STX7: variants seen among roughly 807,000 people sequenced by gnomAD.
The protein encoded by STX7 is syntaxin-7.
In STX7, 34 loss-of-function variants were observed where a neutral mutation model predicts 39.6. The observed-to-expected ratio is 0.86, with a 90% CI of 0.65 to 1.14. STX7 has a LOEUF of 1.14. Ranked by LOEUF, STX7 falls within the 50% of genes most tolerant of loss-of-function variation. The probability of loss-of-function intolerance (pLI) is 0.00; values close to 1 mark genes in which losing one functional copy is unlikely to be tolerated. For missense variants in STX7, 284 were observed against 310.4 expected (o/e 0.92, Z 0.64); for synonymous variants, 119 against 99.1 (o/e 1.20, Z -1.19).
rs950978079 is a variant in STX7, at chr6:132,456,080, T to C, written c.*4678A>G. On this transcript the variant is annotated 3_prime_UTR_variant, in exon 10 of 10. Transcript: ENST00000367941. ...AGTAATTCTATACATATCCTGTAAATGTCTGTCCTGATGATCAGGATGCCC... is the reference window on the plus strand; with the variant it reads ...AGTAATTCTATACATATCCTGTAAACGTCTGTCCTGATGATCAGGATGCCC... 6.6e-6 allele frequency: 1 copy of C among 152,178 alleles called. No homozygotes were observed. The highest frequency in any genetic ancestry group is 2.1e-4 in the South Asian group (1 of 4,830). The allele number at this position is 152,178 out of a possible 1,614,324, so 9.4% of individuals were successfully genotyped here.
Position 132,459,355 on chromosome 6 carries a change from T to G in STX7, c.*1403A>C, listed in dbSNP as rs1304265833. 1 of 152,174 alleles carries G rather than the reference T, an allele frequency of 6.6e-6. No homozygotes were observed. Among genetic ancestry groups the G allele is most frequent in the Non-Finnish European group, 1.5e-5 (1 of 68,038 alleles). 9.4% of individuals were successfully genotyped at this position (152,174 alleles called of 1,614,324 possible). On this transcript the variant is annotated 3_prime_UTR_variant, in exon 10 of 10. Coordinates refer to ENST00000367941, the MANE Select transcript of STX7 (RefSeq NM_003569.3). ...AGGTAAAATCGATGACACCCTAAAA[T>G]AAAAACCTGGAGTGAACTGGTGCTC...
intron 2 of STX7, among the ~76,000 whole-genome samples, chr6:132,483,468 T>C (rs1045756951): frequency 5.1e-4 from 78 of 152,344 alleles, no homozygotes; most frequent in African/African-American, 1.8e-3. Flanking sequence ...AAAATTTCCA[T>C]TGAACATGCA....
intron 3 of STX7, among the ~76,000 whole-genome samples, chr6:132,472,686 TTA>T (rs1295548721): frequency 6.6e-6 from 1 of 152,184 alleles, no homozygotes; most frequent in African/African-American, 2.4e-5. Flanking sequence ...GTCTGATCCT[TTA>T]TGTTTGAGAT....
At chr6:132,473,439 T>C (rs886468377) in intron 3 of STX7, among the ~76,000 whole-genome samples, 1 of 151,758 alleles carries the variant, frequency 6.6e-6, no homozygotes, top group African/African-American at 2.4e-5. Context: ...AGATTATTTA[T>C]AATACCCAAT....
intron 2 of STX7, among the ~76,000 whole-genome samples, chr6:132,476,452 GA>G (rs959545690): frequency 6.6e-6 from 1 of 150,662 alleles, no homozygotes; most frequent in Admixed American, 6.6e-5. Flanking sequence ...TCACAAAAGG[GA>G]AAAAAAAAGT....
Position 132,464,072 on chromosome 6 carries a change from C to A in STX7, c.614G>T (p.Ser205Ile), listed in dbSNP as rs774112518. 6.2e-7 allele frequency: 1 copy of A among 1,613,768 alleles called. No homozygotes were observed. The highest frequency in any genetic ancestry group is 1.1e-5 in the South Asian group (1 of 91,072). ...TGCATTTTCCACATTGGCTTCTATGCTATCTGTAAAATAAAACACACACAC... is the reference window on the plus strand; with the variant it reads ...TGCATTTTCCACATTGGCTTCTATGATATCTGTAAAATAAAACACACACAC... ...MIHEQGDVID[S>I]IEANVENAEV... Residue 205 changes from serine (S) to isoleucine (I), a missense_variant, in exon 9 of 10, where the codon AGC becomes ATC. By Grantham distance (142) the Ser-to-Ile change is moderately radical. Coordinates refer to ENST00000367941, the MANE Select transcript of STX7 (RefSeq NM_003569.3).
chr6:132,490,404 T>C (rs1775249391), intron 2 of STX7, among the ~76,000 whole-genome samples: 1 of 152,206 alleles, frequency 6.6e-6, no homozygotes, highest in Non-Finnish European at 1.5e-5. Context: ...TGAAAATCGA[T>C]TTCTGCTTCT....
intron 2 of STX7, among the ~76,000 whole-genome samples, chr6:132,481,342 A>T (rs1409530317): frequency 6.6e-6 from 1 of 152,146 alleles, no homozygotes; most frequent in African/African-American, 2.4e-5. Context: ...GGGGAAAAAA[A>T]CTGGTTGCTA....
intron 2 of STX7, among the ~76,000 whole-genome samples, chr6:132,496,541 A>G (rs1322490461): frequency 6.6e-6 from 1 of 152,114 alleles, no homozygotes; most frequent in Non-Finnish European, 1.5e-5. Flanking sequence ...CAATTATGGG[A>G]TTTTATGAGC....
In STX7 at chr6:132,503,570, C is replaced by A. The variant is rs746550741; in HGVS notation, c.-40G>T. The A allele has an allele frequency of 2.0e-6, 3 of 1,527,594 alleles. No homozygotes were observed. Among genetic ancestry groups the A allele is most frequent in the African/African-American group, 1.4e-5 (1 of 73,036 alleles). 94.6% of individuals were successfully genotyped at this position (1,527,594 alleles called of 1,614,324 possible). ...TTCGCTAATTTCATCAGATGCTGTG[C>A]AGTTTTCTAAGCAGTCACCTAAATA... is the stretch of plus-strand genomic sequence containing the variant. On this transcript the variant is annotated 5_prime_UTR_variant, in exon 2 of 10. Coordinates refer to ENST00000367941, the MANE Select transcript of STX7 (RefSeq NM_003569.3).
chr6:132,479,923 AG>A (rs1292142108), intron 2 of STX7, among the ~76,000 whole-genome samples: 1 of 152,226 alleles, frequency 6.6e-6, no homozygotes, highest in East Asian at 1.9e-4. Context: ...AAAAATAAAA[AG>A]TAAACTAGTG....
chr6:132,510,700 T>C (rs538984685), intron 1 of STX7, among the ~76,000 whole-genome samples: 1 of 152,322 alleles, frequency 6.6e-6, no homozygotes, highest in East Asian at 1.9e-4. Context: ...GAAAGATCTA[T>C]TGCACAGTGC....
intron 2 of STX7, among the ~76,000 whole-genome samples, chr6:132,496,142 T>C (rs1403689778): frequency 6.6e-6 from 1 of 152,204 alleles, no homozygotes; most frequent in African/African-American, 2.4e-5. Flanking sequence ...ACATGATGCA[T>C]ATTTTAGCAG....
At chr6:132,509,490 A>AG (rs1582689880) in intron 1 of STX7, among the ~76,000 whole-genome samples, 10 of 119,828 alleles carry the variant, frequency 8.3e-5, no homozygotes, top group East Asian at 2.9e-4. Flanking sequence ...AACATAACAT[A>AG]ACATAACATA....
chr6:132,493,990 T>C (rs1775360028), intron 2 of STX7, among the ~76,000 whole-genome samples: 1 of 152,186 alleles, frequency 6.6e-6, no homozygotes, highest in African/African-American at 2.4e-5. Context: ...TAACTAGTCA[T>C]TATTATAGAA....
chr6:132,502,294 A>G (rs1775585163), intron 2 of STX7, among the ~76,000 whole-genome samples: 1 of 152,228 alleles, frequency 6.6e-6, no homozygotes, highest in South Asian at 2.1e-4. Context: ...ATGTGTTAAC[A>G]TTCTGTTAAA....
At chr6:132,493,539 C>T (rs558723915) in intron 2 of STX7, among the ~76,000 whole-genome samples, 1 of 152,180 alleles carries the variant, frequency 6.6e-6, no homozygotes, top group African/African-American at 2.4e-5. Flanking sequence ...CTCTCTTGCC[C>T]ATGGCCATGT....
At chr6:132,496,414 T>C (rs1022986372) in intron 2 of STX7, among the ~76,000 whole-genome samples, 1 of 152,158 alleles carries the variant, frequency 6.6e-6, no homozygotes, top group Admixed American at 6.5e-5. Flanking sequence ...ATACAAAATT[T>C]TGTTAATTCT....
intron 5 of STX7, 137 bp downstream of exon 5, chr6:132,471,325 TA>T: frequency 9.7e-7 from 1 of 1,026,922 alleles, no homozygotes; most frequent in Non-Finnish European, 1.4e-6. Context: ...CAGGAAAGCA[TA>T]AAAATAAATA....
Sources: allele counts gnomAD v4.1 joint callset (sites outside exome capture counted in the v4.1 genomes callset), GRCh38; gene constraint gnomAD v4.1.1; transcripts MANE v1.5; gene names NCBI Gene and HGNC (gene_info 2026-07-23, HGNC 2026-07-21).